The following SORCS1 variants were observed in gnomAD, a reference collection of about 807,000 sequenced individuals.
The protein encoded by SORCS1 is sortilin related VPS10 domain containing receptor 1, also known as VPS10 domain-containing receptor SorCS1.
Under a neutral mutation model 146.1 loss-of-function variants are expected in SORCS1, and 60 were observed. The observed-to-expected ratio is 0.41, with a 90% CI of 0.33 to 0.51. The LOEUF (loss-of-function observed/expected upper bound fraction) is 0.51. SORCS1 is among the 20% of genes least tolerant of loss of function. The probability of loss-of-function intolerance (pLI) is 0.21; values close to 1 mark genes in which losing one functional copy is unlikely to be tolerated. For synonymous variants in SORCS1, 637 were observed against 584.0 expected (o/e 1.09, Z -1.31); for missense variants, 1,352 against 1,487.6 (o/e 0.91, Z 1.50).
rs147250536 is a variant in SORCS1 at position 106,629,329 on chromosome 10, G to A, written c.2535C>T (p.Tyr845=). The A allele has an allele frequency of 5.1e-5, 82 of 1,614,170 alleles. No homozygotes were observed. Among genetic ancestry groups the A allele is most frequent in the African/African-American group, 3.6e-4 (27 of 75,050 alleles). The stretch of plus-strand genomic sequence containing the variant: ...CATCTTCCATGGAGCTGAGATTGAC[G>A]TAAGACACCGCGATACCATCGCCAA... ...VDFGDGIAVS[Y]VNLSSMEDGI... The change falls in exon 19 of 26, where the codon TAC becomes TAT. Residue 845 remains tyrosine, a synonymous_variant. Transcript: ENST00000263054.
At chr10:106,612,573 T>G (rs976969784) in intron 21 of SORCS1, among the ~76,000 whole-genome samples, 1 of 151,806 alleles carries the variant, frequency 6.6e-6, no homozygotes, top group Admixed American at 6.6e-5. Context: ...CATGTTGTTC[T>G]ACACACAGAG....
chr10:106,900,409 T>G (rs1042460529), intron 2 of SORCS1, among the ~76,000 whole-genome samples: 1 of 152,156 alleles, frequency 6.6e-6, no homozygotes, highest in Non-Finnish European at 1.5e-5. Context: ...CTGTGGCTTT[T>G]CTCTAGTTGC....
chr10:107,011,055 GGA>G (rs1352526398), intron 1 of SORCS1, among the ~76,000 whole-genome samples: 1 of 152,204 alleles, frequency 6.6e-6, no homozygotes, highest in African/African-American at 2.4e-5. Flanking sequence ...GGGATGAGCA[GGA>G]GGACAGGAAC....
intron 1 of SORCS1, among the ~76,000 whole-genome samples, chr10:107,082,980 G>A (rs1963448065): frequency 6.6e-6 from 1 of 151,846 alleles, no homozygotes; most frequent in Admixed American, 6.6e-5. Context: ...GTGGTGGCGG[G>A]CACCTGTAGT....
Position 106,841,477 on chromosome 10 carries a change from TACAC to T in SORCS1, c.627-11808_627-11805del, listed in dbSNP as rs71025563. The stretch of plus-strand genomic sequence containing the variant: ...AGAGTGAGACTCCATTTCAATAAAA[TACAC>T]ACACACACACACACACATTGTTTTT... On this transcript the variant is annotated intron_variant, in intron 2 of 25. Coordinates refer to ENST00000263054, the MANE Select transcript of SORCS1 (RefSeq NM_052918.5). Among the ~76,000 whole-genome samples the T allele has an allele frequency of 6.6e-5, 10 of 150,452 alleles. No individual in the cohort carries two copies. In the East Asian group the frequency reaches 1.6e-3, roughly 24 times the overall value.
chr10:106,948,661 A>AT (rs1199779057), intron 2 of SORCS1, among the ~76,000 whole-genome samples: 5 of 151,972 alleles, frequency 3.3e-5, no homozygotes, highest in Non-Finnish European at 7.4e-5. Context: ...CTTAAAAAAA[A>AT]AAAAAAATTA....
chr10:106,687,582 T>C (rs1554898708), intron 10 of SORCS1, among the ~76,000 whole-genome samples: 1 of 152,124 alleles, frequency 6.6e-6, no homozygotes, highest in Non-Finnish European at 1.5e-5. Context: ...TGTGTTCCAA[T>C]AAAACCCTAT....
chr10:106,865,532 T>A (rs752425681), intron 2 of SORCS1, among the ~76,000 whole-genome samples: 1 of 152,030 alleles, frequency 6.6e-6, no homozygotes, highest in Admixed American at 6.6e-5. Context: ...AAGACCTGCC[T>A]GGGGAACATG....
At chr10:106,699,856 C>T (rs1378947576) in intron 8 of SORCS1, among the ~76,000 whole-genome samples, 1 of 152,146 alleles carries the variant, frequency 6.6e-6, no homozygotes, top group Non-Finnish European at 1.5e-5. Flanking sequence ...CACCTGGAAG[C>T]TTATTAAACA....
At chr10:106,922,307 G>C (rs1055553928) in intron 2 of SORCS1, among the ~76,000 whole-genome samples, 1 of 152,172 alleles carries the variant, frequency 6.6e-6, no homozygotes, top group Non-Finnish European at 1.5e-5. Flanking sequence ...TGCCTTGCTA[G>C]GGATGTGGGA....
chr10:106,817,413 C>G (rs771052708), intron 3 of SORCS1, among the ~76,000 whole-genome samples: 27 of 152,056 alleles, frequency 1.8e-4, no homozygotes, highest in Non-Finnish European at 4.4e-5. Flanking sequence ...ATTGGAACAC[C>G]AGGCCCCTCC....
chr10:106,900,052 C>G (rs1253488909), intron 2 of SORCS1, among the ~76,000 whole-genome samples: 1 of 152,156 alleles, frequency 6.6e-6, no homozygotes, highest in East Asian at 1.9e-4. Context: ...AAAAGAAGCT[C>G]AAGGGACATC....
intron 1 of SORCS1, among the ~76,000 whole-genome samples, chr10:107,114,175 C>T (rs1965874591): frequency 1.3e-5 from 2 of 152,074 alleles, no homozygotes; most frequent in Admixed American, 1.3e-4. Context: ...CAAAAAAATT[C>T]CAGGGTCAAT....
intron 1 of SORCS1, among the ~76,000 whole-genome samples, chr10:107,148,493 G>A (rs1364515445): frequency 6.6e-6 from 1 of 152,118 alleles, no homozygotes; most frequent in Non-Finnish European, 1.5e-5. Flanking sequence ...AACCATCTTT[G>A]GCTTGTGGGC....
intron 1 of SORCS1, among the ~76,000 whole-genome samples, chr10:107,004,065 G>C (rs1320889668): frequency 2.7e-5 from 4 of 149,462 alleles, no homozygotes; most frequent in Non-Finnish European, 4.4e-5. Flanking sequence ...GTCCCAGCTA[G>C]TTTGGAAGGC....
At chr10:106,667,839 T>C in intron 16 of SORCS1, 37 bp from the exon 17 acceptor site, 2 of 1,526,072 alleles carry the variant, frequency 1.3e-6, no homozygotes, top group Non-Finnish European at 1.8e-6. Context: ...TTTCACTAGG[T>C]GGCAAAATTA....
At chr10:107,086,213 T>C (rs979023041) in intron 1 of SORCS1, among the ~76,000 whole-genome samples, 2 of 152,182 alleles carry the variant, frequency 1.3e-5, no homozygotes, top group Admixed American at 6.5e-5. Flanking sequence ...TTGTATATTA[T>C]AGTAAAACCC....
intron 2 of SORCS1, among the ~76,000 whole-genome samples, chr10:106,872,263 T>C (rs930534470): frequency 1.3e-5 from 2 of 152,142 alleles, no homozygotes; most frequent in East Asian, 3.9e-4. Context: ...GCCAGGTGCA[T>C]GTGTTGAGGA....
intron 23 of SORCS1, among the ~76,000 whole-genome samples, chr10:106,599,236 G>A (rs1846086890): frequency 6.6e-6 from 1 of 151,936 alleles, no homozygotes; most frequent in Non-Finnish European, 1.5e-5. Context: ...GCATGGTGGT[G>A]CACACCTGTA....
Sources: gnomAD v4.1 joint callset for allele counts (sites outside exome capture counted in the v4.1 genomes callset) on GRCh38, gnomAD v4.1.1 for gene constraint, MANE v1.5 for transcripts, NCBI Gene and HGNC (gene_info 2026-07-23, HGNC 2026-07-21) for gene names.